Variants in GRB10 observed in about 807,000 individuals in gnomAD.
GRB10 encodes the protein growth factor receptor bound protein 10.
Under a neutral mutation model 80.9 loss-of-function variants are expected in GRB10, and 20 were observed. That is an observed-to-expected ratio of 0.25 (90% confidence interval 0.17 to 0.36). The LOEUF (loss-of-function observed/expected upper bound fraction) is 0.36. GRB10 is among the 10% of genes least tolerant of loss of function. The pLI, the probability that GRB10 is intolerant of heterozygous loss-of-function variation, is 1.00. For synonymous variants in GRB10, 291 were observed against 291.5 expected, an observed-to-expected ratio of 1.00 and a Z score of 0.02; for missense variants, 548 against 747.7, an observed-to-expected ratio of 0.73 and a Z score of 3.12.
intron 11 of GRB10, among the ~76,000 whole-genome samples, chr7:50,615,945 G>C (rs1449222042): frequency 1.3e-5 from 2 of 152,212 alleles, no homozygotes; most frequent in African/African-American, 2.4e-5. Context: ...GGGCAGCCAG[G>C]GGTGTCTGCT....
At chr7:50,618,471 G>GA (rs1269616378) in intron 9 of GRB10, among the ~76,000 whole-genome samples, 2 of 152,242 alleles carry the variant, frequency 1.3e-5, no homozygotes, top group Non-Finnish European at 2.9e-5. Flanking sequence ...AAGAATTCCT[G>GA]AAACTAAAAG....
chr7:50,669,566 T>C (rs551778522), intron 7 of GRB10, among the ~76,000 whole-genome samples, 156 bp downstream of exon 7: 11 of 152,308 alleles, frequency 7.2e-5, no homozygotes, highest in African/African-American at 2.4e-4. Context: ...ATCGGCCTCA[T>C]AGGACAACAA....
intron 4 of GRB10, among the ~76,000 whole-genome samples, chr7:50,713,669 CCA>C (rs1366670162): frequency 3.7e-5 from 5 of 136,628 alleles, no homozygotes; most frequent in Non-Finnish European, 8.1e-5. Context: ...TCCTCCACCA[CCA>C]CCTCCACCTC....
chr7:50,775,605 G>A (rs2077547041), intron 2 of GRB10, among the ~76,000 whole-genome samples: 1 of 152,182 alleles, frequency 6.6e-6, no homozygotes, highest in Admixed American at 6.5e-5. Context: ...CCCTAGTGGG[G>A]GCTCTTTTTG....
At chr7:50,617,892 A>C (rs1443817064) in intron 10 of GRB10, 179 bp downstream of exon 10, 7 of 654,882 alleles carry the variant, frequency 1.1e-5, no homozygotes, top group Non-Finnish European at 1.9e-5. Flanking sequence ...TTTCCAAGGA[A>C]ACTTTTAATT....
At chr7:50,688,921 G>A (rs754416449) in intron 5 of GRB10, among the ~76,000 whole-genome samples, 8 of 152,154 alleles carry the variant, frequency 5.3e-5, no homozygotes, top group Non-Finnish European at 1.0e-4. Flanking sequence ...GAGGTTATCA[G>A]GGGCATACTG....
chr7:50,784,880 G>A (rs1296410736), upstream of GRB10, among the ~76,000 whole-genome samples: 1 of 152,082 alleles, frequency 6.6e-6, no homozygotes, highest in African/African-American at 2.4e-5. Flanking sequence ...AATGGGAAAC[G>A]TAGAGTCCAA....
At chr7:50,772,022 T>C (rs1451412722) in intron 2 of GRB10, among the ~76,000 whole-genome samples, 4 of 152,206 alleles carry the variant, frequency 2.6e-5, no homozygotes, top group African/African-American at 9.6e-5. Flanking sequence ...ATGTGTCCCC[T>C]AAACCTGGTA....
intron 17 of GRB10, chr7:50,595,773 G>C (rs1255728390): frequency 2.1e-6 from 1 of 470,598 alleles, no homozygotes; most frequent in Non-Finnish European, 3.9e-6. Flanking sequence ...GCTCCTTGGG[G>C]ATATGCCTGA....
chr7:50,697,394 T>G (rs776665382), intron 5 of GRB10, among the ~76,000 whole-genome samples: 8 of 152,200 alleles, frequency 5.3e-5, no homozygotes, highest in Non-Finnish European at 1.0e-4. Context: ...AGTACATCCC[T>G]CTCTGCTGTG....
At chr7:50,670,785 G>C (rs2529411) in intron 6 of GRB10, among the ~76,000 whole-genome samples, 99,307 of 151,998 alleles carry the variant, frequency 0.65, 32,743 homozygotes, top group African/African-American at 0.72. Context: ...GCAATGGATG[G>C]TTACTTATAT....
chr7:50,707,604 T>C (rs571750086), intron 4 of GRB10, among the ~76,000 whole-genome samples: 1 of 152,374 alleles, frequency 6.6e-6, no homozygotes, highest in African/African-American at 2.4e-5. Flanking sequence ...TCATCTGAAA[T>C]ATTTACTGCT....
At chr7:50,761,193 A>T (rs998046612) in intron 2 of GRB10, among the ~76,000 whole-genome samples, 1 of 152,252 alleles carries the variant, frequency 6.6e-6, no homozygotes, top group Non-Finnish European at 1.5e-5. Context: ...ATGCAAGTCA[A>T]CAGATACCTG....
intron 3 of GRB10, among the ~76,000 whole-genome samples, chr7:50,750,667 G>T (rs1337491157): frequency 6.6e-6 from 1 of 152,156 alleles, no homozygotes; most frequent in Non-Finnish European, 1.5e-5. Flanking sequence ...ACCCCCATCT[G>T]TGAAGTCAAA....
intron 4 of GRB10, among the ~76,000 whole-genome samples, chr7:50,710,023 A>C (rs2065653330): frequency 6.6e-6 from 1 of 151,962 alleles, no homozygotes; most frequent in Non-Finnish European, 1.5e-5. Flanking sequence ...CACTATGTAG[A>C]ATGTTCTCTA....
At chr7:50,593,851 C>CA (rs1468487139) in intron 18 of GRB10, among the ~76,000 whole-genome samples, 1 of 152,192 alleles carries the variant, frequency 6.6e-6, no homozygotes, top group Admixed American at 6.5e-5. Flanking sequence ...GAGCTAACAG[C>CA]ACATCCCACA....
intron 17 of GRB10, 59 bp downstream of exon 17, chr7:50,603,939 G>T: frequency 7.7e-7 from 1 of 1,299,456 alleles, no homozygotes; most frequent in Non-Finnish European, 1.1e-6. Flanking sequence ...AAACAGAACA[G>T]ATCCCCAGCA....
chr7:50,635,573 A>ACAAAAAAC (rs2054818685), intron 7 of GRB10, among the ~76,000 whole-genome samples: 1 of 151,888 alleles, frequency 6.6e-6, no homozygotes, highest in Non-Finnish European at 1.5e-5. Context: ...AAACAAAAAA[A>ACAAAAAAC]CCCACAAAGG....
chr7:50,691,956 C>A (rs930746139), intron 5 of GRB10, among the ~76,000 whole-genome samples: 5 of 152,158 alleles, frequency 3.3e-5, no homozygotes, highest in Non-Finnish European at 5.9e-5. Flanking sequence ...GAAAATGATA[C>A]TAACAAAAGT....
Sources: allele counts gnomAD v4.1 joint callset (sites outside exome capture counted in the v4.1 genomes callset), GRCh38; gene constraint gnomAD v4.1.1; transcripts MANE v1.5; gene names NCBI Gene and HGNC (gene_info 2026-07-23, HGNC 2026-07-21).